The following NUP43 variants were observed in gnomAD, a reference collection of about 807,000 sequenced individuals.
The protein encoded by NUP43 is nucleoporin 43.
Under a neutral mutation model 47.3 loss-of-function variants are expected in NUP43, and 32 were observed. That is an observed-to-expected ratio of 0.68 (90% CI 0.51 to 0.91). NUP43 has a LOEUF of 0.91. Ranked by LOEUF, NUP43 falls within the 40% of genes least tolerant of loss-of-function variation. NUP43 has a pLI of 0.00. For synonymous variants in NUP43, 147 were observed against 158.4 expected, an observed-to-expected ratio of 0.93 and a Z score of 0.54; for missense variants, 444 against 453.9, an observed-to-expected ratio of 0.98 and a Z score of 0.20.
intron 6 of NUP43, among the ~76,000 whole-genome samples, chr6:149,732,195 A>AG (rs1309838932): frequency 7.4e-4 from 112 of 151,314 alleles, no homozygotes; most frequent in African/African-American, 2.6e-3. Context: ...AAAAAAAAAA[A>AG]AAAAGAAAAG....
At chr6:149,740,201 G>A (rs1378191865) in intron 4 of NUP43, among the ~76,000 whole-genome samples, 1 of 150,630 alleles carries the variant, frequency 6.6e-6, no homozygotes, top group Non-Finnish European at 1.5e-5. Flanking sequence ...GCTTGAACCT[G>A]GGAGGCAGAG....
At chr6:149,740,722 TAA>T (rs1785607958) in intron 4 of NUP43, among the ~76,000 whole-genome samples, 1 of 152,162 alleles carries the variant, frequency 6.6e-6, no homozygotes, top group African/African-American at 2.4e-5. Context: ...GGTCGACAGT[TAA>T]AAAATTTCCT....
intron 5 of NUP43, among the ~76,000 whole-genome samples, chr6:149,736,999 T>C (rs1429977672): frequency 2.0e-5 from 3 of 152,102 alleles, no homozygotes; most frequent in Admixed American, 1.3e-4. Context: ...TTTTTGTTTA[T>C]TTTTTAAGAG....
intron 2 of NUP43, among the ~76,000 whole-genome samples, chr6:149,744,836 CAA>C (rs1283718956): frequency 1.5e-5 from 2 of 137,918 alleles, no homozygotes; most frequent in Admixed American, 7.3e-5. Flanking sequence ...ACTTCGTCTC[CAA>C]AAAAAAAAAA....
chr6:149,743,571 C>T (rs959414402), intron 3 of NUP43, 67 bp downstream of exon 3: 66 of 991,100 alleles, frequency 6.7e-5, no homozygotes, highest in East Asian at 4.1e-4. Context: ...CTCCAGTGCG[C>T]GGGCAACAAG....
chr6:149,738,052 A>G (rs1004956197), intron 5 of NUP43, among the ~76,000 whole-genome samples: 5 of 152,220 alleles, frequency 3.3e-5, no homozygotes, highest in Admixed American at 6.5e-5. Flanking sequence ...TAAATAGTAC[A>G]ATTTTGAAAT....
chr6:149,738,898 A>G, intron 4 of NUP43, 120 bp from the exon 5 acceptor site: 1 of 527,864 alleles, frequency 1.9e-6, no homozygotes. Context: ...TATAATTTAA[A>G]TTTCTATAGA....
At chr6:149,742,284 C>A in intron 4 of NUP43, 106 bp downstream of exon 4, 2 of 1,036,426 alleles carry the variant, frequency 1.9e-6, no homozygotes, top group Non-Finnish European at 2.9e-6. Flanking sequence ...CCTCGGCCTC[C>A]CAAAGTGCTG....
At chr6:149,747,356 C>A (rs968841672), upstream of NUP43, among the ~76,000 whole-genome samples, 1 of 152,072 alleles carries the variant, frequency 6.6e-6, no homozygotes, top group East Asian at 1.9e-4. Flanking sequence ...CAGCTCACTG[C>A]AACCTCTGCC....
Position 149,728,194 on chromosome 6 carries a change from A to T in NUP43, c.914-996T>A, listed in dbSNP as rs972885703. The T allele has an allele frequency of 9.1e-6, 9 of 984,848 alleles. No individual in the cohort carries two copies. In the East Asian group the frequency reaches 7.9e-4, roughly 87 times the overall value. The allele number at this position is 984,848 out of a possible 1,614,324, so 61.0% of individuals were successfully genotyped here. On this transcript the variant is annotated intron_variant, in intron 7 of 7. Transcript: ENST00000340413. ...TCCATGCCTCTGTCCATGACTAAAT[A>T]TGTCTTAAGAGCAGGATGCATATTT...
rs370761860 is a variant in NUP43, at chr6:149,746,515, G to C, written c.-20C>G. The C allele has an allele frequency of 5.6e-6, 9 of 1,614,116 alleles. No homozygotes were observed. The highest frequency in any genetic ancestry group is 1.7e-5 in the Admixed American group (1 of 60,020). ...CTCCATGCCGAAAGCGGCCGCAGCA[G>C]GTACTGCAAAAAGCAAGCACAGTAC... On this transcript the variant is annotated 5_prime_UTR_variant, in exon 1 of 8. Transcript: ENST00000340413.
At chr6:149,739,755 T>C (rs2115130545) in intron 4 of NUP43, among the ~76,000 whole-genome samples, 1 of 152,286 alleles carries the variant, frequency 6.6e-6, no homozygotes, top group South Asian at 2.1e-4. Context: ...ACTCCAGTGC[T>C]TCCTACAGAG....
At chr6:149,734,455 T>C (rs1293212610) in intron 6 of NUP43, among the ~76,000 whole-genome samples, 1 of 151,822 alleles carries the variant, frequency 6.6e-6, no homozygotes, top group African/African-American at 2.4e-5. Flanking sequence ...CAGTGGGCTG[T>C]GATCATGCCA....
At chr6:149,737,192 G>A (rs375830262) in intron 5 of NUP43, among the ~76,000 whole-genome samples, 1 of 151,920 alleles carries the variant, frequency 6.6e-6, no homozygotes, top group East Asian at 2.0e-4. Context: ...GCTGAGGCAT[G>A]AGAATCGCCT....
At chr6:149,747,334 G>C (rs1323681735), upstream of NUP43, among the ~76,000 whole-genome samples, 1 of 151,910 alleles carries the variant, frequency 6.6e-6, no homozygotes. Flanking sequence ...CTGGAGTGCA[G>C]TGGTACAATC....
intron 2 of NUP43, among the ~76,000 whole-genome samples, chr6:149,745,118 CG>C (rs1411828933): frequency 6.6e-6 from 1 of 151,398 alleles, no homozygotes; most frequent in Non-Finnish European, 1.5e-5. Flanking sequence ...AACTTAATTT[CG>C]GCCGGGCGCC....
chr6:149,734,353 C>T (rs928500643), intron 6 of NUP43, among the ~76,000 whole-genome samples: 6 of 150,918 alleles, frequency 4.0e-5, no homozygotes, highest in Admixed American at 1.3e-4. Context: ...AAAAATTAGC[C>T]GGGTGTAGTA....
intron 7 of NUP43, among the ~76,000 whole-genome samples, chr6:149,730,754 G>A (rs1333572717): frequency 1.3e-5 from 2 of 151,244 alleles, no homozygotes; most frequent in Non-Finnish European, 2.9e-5. Context: ...AGCATAGTGA[G>A]AGCTCATCTC....
intron 6 of NUP43, among the ~76,000 whole-genome samples, chr6:149,735,607 A>AAC (rs1290463667): frequency 6.7e-6 from 1 of 150,156 alleles, no homozygotes; most frequent in Admixed American, 6.7e-5. Context: ...CCAAAAAAAA[A>AAC]AAAAAAAAAA....
Sources: gnomAD v4.1 joint callset for allele counts (sites outside exome capture counted in the v4.1 genomes callset) on GRCh38, gnomAD v4.1.1 for gene constraint, MANE v1.5 for transcripts, NCBI Gene and HGNC (gene_info 2026-07-23, HGNC 2026-07-21) for gene names.